BRWD1: variants seen among roughly 807,000 people sequenced by gnomAD.
BRWD1 encodes bromodomain and WD repeat domain containing 1.
In BRWD1, 82 loss-of-function variants were observed where a neutral mutation model predicts 251.2. The observed-to-expected ratio is 0.33, with a 90% CI of 0.27 to 0.39. The LOEUF is 0.39. Among genes scored for constraint, BRWD1 ranks in the 10% least tolerant of loss-of-function variants. The probability of loss-of-function intolerance (pLI) is 1.00; values close to 1 mark genes in which losing one functional copy is unlikely to be tolerated. For missense variants in BRWD1, 2,233 were observed against 2,711.6 expected, an observed-to-expected ratio of 0.82 and a Z score of 3.92; for synonymous variants, 918 against 902.8, an observed-to-expected ratio of 1.02 and a Z score of -0.30.
Position 39,202,499 on chromosome 21 carries a change from C to T in BRWD1, c.4411G>A (p.Glu1471Lys), listed in dbSNP as rs1268669917. The T allele has an allele frequency of 6.2e-7, 1 of 1,613,626 alleles. No homozygotes were observed. The change falls in exon 38 of 41, where the codon GAG becomes AAG. Residue 1471 changes from glutamate to lysine, a missense_variant. Transcript: ENST00000342449. ...RLKSQTKIIPELVGSPTQSTS... is the reference protein window; with the variant it reads ...RLKSQTKIIPKLVGSPTQSTS... ...GACTGGGTAGGAGAACCTACCAACT[C>T]AGGAATTATTTTTGTCTGAGATTTT...
chr21:39,249,915 GGTGTGTGT>G (rs368656743), intron 20 of BRWD1, among the ~76,000 whole-genome samples: 6,083 of 68,520 alleles, frequency 0.089, 395 homozygotes, highest in East Asian at 0.41. Context: ...AAAGAAGGGG[GGTGTGTGT>G]GTGTGTGTGT....
intron 18 of BRWD1, among the ~76,000 whole-genome samples, 165 bp from the exon 19 acceptor site, chr21:39,255,993 T>C (rs1207402664): frequency 6.6e-6 from 1 of 152,208 alleles, no homozygotes; most frequent in Non-Finnish European, 1.5e-5. Context: ...TTAAAATTTA[T>C]TTTCTGTACA....
At chr21:39,219,835 C>G (rs938655192) in intron 29 of BRWD1, 7 of 151,954 alleles carry the variant, frequency 4.6e-5, no homozygotes, top group African/African-American at 1.7e-4. Flanking sequence ...CATGTTCTTG[C>G]AAAAAGAAAA....
rs1456202583 is a variant in BRWD1 at position 39,195,026 on chromosome 21, G to A, written c.*1233C>T. ...ACACTGGAGTAGCATAACCTATCAA[G>A]TATTTGGTTAGAAAATAAGTGTACT... On this transcript the variant is annotated 3_prime_UTR_variant, in exon 41 of 41. Coordinates refer to ENST00000342449, the MANE Select transcript of BRWD1 (RefSeq NM_033656.4). The A allele has an allele frequency of 3.7e-6, 5 of 1,360,390 alleles. No homozygotes were observed. The highest frequency in any genetic ancestry group is 3.3e-5 in the Admixed American group (1 of 29,980). The allele number at this position is 1,360,390 out of a possible 1,614,324, so 84.3% of individuals were successfully genotyped here.
At chr21:39,205,837 T>C (rs1244928825) in intron 37 of BRWD1, among the ~76,000 whole-genome samples, 2 of 152,066 alleles carry the variant, frequency 1.3e-5, no homozygotes, top group Non-Finnish European at 1.5e-5. Flanking sequence ...CCCAACATTG[T>C]GGGAGGCCAA....
intron 8 of BRWD1, among the ~76,000 whole-genome samples, chr21:39,286,046 G>A (rs1407343484): frequency 6.3e-5 from 5 of 79,262 alleles, no homozygotes; most frequent in East Asian, 6.3e-4. Flanking sequence ...CAAGAGTCTC[G>A]CTCTGTCGCC....
At chr21:39,267,781 G>A (rs1474511954) in intron 15 of BRWD1, among the ~76,000 whole-genome samples, 10 of 152,046 alleles carry the variant, frequency 6.6e-5, no homozygotes, top group Admixed American at 3.3e-4. Context: ...ATTGTCATAC[G>A]TATTTTAGAA....
rs541476127 is a variant in BRWD1, at chr21:39,193,451, CATCT to C, written c.*2804_*2807del. On this transcript the variant is annotated 3_prime_UTR_variant, in exon 41 of 41. Transcript: ENST00000342449. ...GAAAAAAGAAAGCTTTGTTAACACT[CATCT>C]ATCTTGTCAATGTTTGAAATCATTT... is the stretch of plus-strand genomic sequence containing the variant. 117 of 984,546 alleles carry C rather than the reference CATCT, an allele frequency of 1.2e-4. No individual in the cohort carries two copies. Among genetic ancestry groups the C allele is most frequent in the Non-Finnish European group, 1.4e-4 (114 of 829,298 alleles). The allele number at this position is 984,546 out of a possible 1,614,324, so 61.0% of individuals were successfully genotyped here. A position where few individuals can be genotyped will look rare whatever the true frequency, so the allele number is the denominator to read the frequency against.
rs189371586 is a variant in BRWD1, at chr21:39,193,791, A to T, written c.*2468T>A. On this transcript the variant is annotated 3_prime_UTR_variant, in exon 41 of 41. Coordinates refer to ENST00000342449, the MANE Select transcript of BRWD1 (RefSeq NM_033656.4). ...TCCCTGGGCATTTTGCATAACGTAG[A>T]AAAAAAAGGCCAAACATGTTCTAGT... The T allele has an allele frequency of 3.0e-6, 3 of 984,932 alleles. No individual in the cohort carries two copies. Among genetic ancestry groups the T allele is most frequent in the South Asian group, 9.4e-5 (2 of 21,270 alleles). The allele number at this position is 984,932 out of a possible 1,614,324, so 61.0% of individuals were successfully genotyped here.
At chr21:39,270,816 T>A (rs375365609) in intron 13 of BRWD1, among the ~76,000 whole-genome samples, 1 of 152,186 alleles carries the variant, frequency 6.6e-6, no homozygotes, top group South Asian at 2.1e-4. Context: ...AACACAAAAA[T>A]AAGGTAATTC....
Position 39,225,557 on chromosome 21 carries a change from A to G in BRWD1, c.3209-360T>C, listed in dbSNP as rs146301174. 3.0e-3 allele frequency among the ~76,000 whole-genome samples: 450 copies of G among 152,290 alleles called. 4 individuals carry two copies. The highest frequency in any genetic ancestry group is 0.01 in the African/African-American group (422 of 41,576). On this transcript the variant is annotated intron_variant, in intron 27 of 40. Coordinates refer to ENST00000342449, the MANE Select transcript of BRWD1 (RefSeq NM_033656.4). Reference sequence around the variant, plus strand: ...ACCAATGAAACAATAAAAGTCACCTATCCAGCACTGATGATTCTTCGGGAT... The same window carrying G: ...ACCAATGAAACAATAAAAGTCACCTGTCCAGCACTGATGATTCTTCGGGAT...
rs529763930 is a variant in BRWD1 at position 39,188,889 on chromosome 21, G to A, written c.*7370C>T. 1 of 985,370 alleles carries A rather than the reference G, an allele frequency of 1.0e-6. No individual in the cohort carries two copies. Among genetic ancestry groups the A allele is most frequent in the African/African-American group, 1.7e-5 (1 of 57,336 alleles). 61.0% of individuals were successfully genotyped at this position (985,370 alleles called of 1,614,324 possible). A position where few individuals can be genotyped will look rare whatever the true frequency, so the allele number is the denominator to read the frequency against. On this transcript the variant is annotated 3_prime_UTR_variant, in exon 41 of 41. Transcript: ENST00000342449. ...GTTCAGTGTTCAGTCTCCAGGCATT[G>A]TAAATGGCATTTTACCAGAGTAAGA...
rs1008713836 is a variant in BRWD1, at chr21:39,273,648, C to T, written c.1244+726G>A. On this transcript the variant is annotated intron_variant, in intron 13 of 40. Coordinates refer to ENST00000342449, the MANE Select transcript of BRWD1 (RefSeq NM_033656.4). ...TACTTGGAAGGCTGAGATGGGGGGA[C>T]AGGCTGAGATGGGGGGACTGCCTGA... 4.9e-4 allele frequency among the ~76,000 whole-genome samples: 52 copies of T among 106,356 alleles called. 1 individual carries two copies. The highest frequency in any genetic ancestry group is 1.3e-3 in the African/African-American group (49 of 37,396). The allele number at this position is 106,356 out of a possible 152,430, so 69.8% of individuals were successfully genotyped here.
rs371294250 is a variant in BRWD1 at position 39,292,290 on chromosome 21, T to C, written c.831+1521A>G. Among the ~76,000 whole-genome samples the C allele has an allele frequency of 3.3e-5, 5 of 152,250 alleles. No individual in the cohort carries two copies. In the South Asian group the frequency reaches 8.3e-4, roughly 25 times the overall value. On this transcript the variant is annotated intron_variant, in intron 8 of 40. Transcript: ENST00000342449. ...TCTCAGCATAAGTCTTAATAAATCTTGTCTGGGAAGTCTGCCTAGCCTCCT... is the reference window on the plus strand; with the variant it reads ...TCTCAGCATAAGTCTTAATAAATCTCGTCTGGGAAGTCTGCCTAGCCTCCT...
chr21:39,277,960 C>T (rs915920337), intron 10 of BRWD1, among the ~76,000 whole-genome samples: 1 of 152,020 alleles, frequency 6.6e-6, no homozygotes, highest in African/African-American at 2.4e-5. Flanking sequence ...GCAATACTCC[C>T]ACCTAGTCTC....
chr21:39,253,719 C>A (rs1197505120), intron 19 of BRWD1, among the ~76,000 whole-genome samples: 1 of 152,190 alleles, frequency 6.6e-6, no homozygotes, highest in Non-Finnish European at 1.5e-5. Context: ...TGAAACTCTT[C>A]TGGTTAAACA....
intron 5 of BRWD1, chr21:39,296,708 T>G (rs2035970429): frequency 2.3e-6 from 2 of 870,764 alleles, no homozygotes; most frequent in Non-Finnish European, 2.7e-6. Context: ...TTCCAGGACC[T>G]TTAAAGAGAT....
chr21:39,308,794 T>A (rs1414399372), intron 4 of BRWD1, among the ~76,000 whole-genome samples: 1 of 152,158 alleles, frequency 6.6e-6, no homozygotes, highest in East Asian at 1.9e-4. Context: ...ATACAGAATG[T>A]AAAACATTCT....
chr21:39,220,597 A>G (rs1251663230), intron 29 of BRWD1, among the ~76,000 whole-genome samples: 1 of 152,262 alleles, frequency 6.6e-6, no homozygotes, highest in Non-Finnish European at 1.5e-5. Context: ...AACACAGGTA[A>G]TATATTAGGA....
Sources: allele counts gnomAD v4.1 joint callset (sites outside exome capture counted in the v4.1 genomes callset), GRCh38; gene constraint gnomAD v4.1.1; transcripts MANE v1.5; gene names NCBI Gene and HGNC (gene_info 2026-07-23, HGNC 2026-07-21).